Variants in NAT1 observed in about 807,000 individuals in gnomAD.
The protein encoded by NAT1 is arylamine N-acetyltransferase 1.
For missense variants in NAT1, 400 were observed against 339.2 expected, an observed-to-expected ratio of 1.18 and a Z score of -1.41; for synonymous variants, 144 against 122.6, an observed-to-expected ratio of 1.17 and a Z score of -1.16.
intron 2 of NAT1, among the ~76,000 whole-genome samples, chr8:18,204,999 C>T (rs1803646004): frequency 6.6e-6 from 1 of 152,198 alleles, no homozygotes; most frequent in Admixed American, 6.5e-5. Context: ...GGGGGACTTG[C>T]CTTGATCCCT....
At chr8:18,191,381 GT>G (rs1802984670) in intron 2 of NAT1, among the ~76,000 whole-genome samples, 1 of 152,074 alleles carries the variant, frequency 6.6e-6, no homozygotes, top group Non-Finnish European at 1.5e-5. Flanking sequence ...ATACAAGCCT[GT>G]TTCTTTTTCT....
intron 2 of NAT1, among the ~76,000 whole-genome samples, chr8:18,195,263 C>T (rs542126172): frequency 6.6e-6 from 1 of 152,268 alleles, no homozygotes; most frequent in African/African-American, 2.4e-5. Context: ...GGCATAGCTA[C>T]TTCTGGTTAG....
At chr8:18,194,228 C>G (rs1228601776) in intron 2 of NAT1, among the ~76,000 whole-genome samples, 1 of 152,158 alleles carries the variant, frequency 6.6e-6, no homozygotes, top group Non-Finnish European at 1.5e-5. Context: ...TGATTATTAA[C>G]CAGTAGTGCA....
intron 2 of NAT1, 55 bp downstream of exon 2, chr8:18,219,544 G>T: frequency 1.1e-6 from 1 of 940,808 alleles, no homozygotes; most frequent in Non-Finnish European, 1.6e-6. Context: ...CGTTCACTCT[G>T]CCTCCTTTAA....
chr8:18,220,402 C>A (rs1237422652), intron 2 of NAT1, among the ~76,000 whole-genome samples: 1 of 152,116 alleles, frequency 6.6e-6, no homozygotes, highest in African/African-American at 2.4e-5. Flanking sequence ...CGGGGCAGGT[C>A]CCTTTGTACA....
chr8:18,219,546 C>G, intron 2 of NAT1, 57 bp downstream of exon 2: 4 of 901,388 alleles, frequency 4.4e-6, no homozygotes, highest in Non-Finnish European at 7.0e-6. Context: ...TTCACTCTGC[C>G]TCCTTTAAGT....
chr8:18,218,479 A>G (rs1804927053), intron 1 of NAT1, among the ~76,000 whole-genome samples: 1 of 152,166 alleles, frequency 6.6e-6, no homozygotes, highest in African/African-American at 2.4e-5. Flanking sequence ...ACGTGAGATC[A>G]TTTTATTAGA....
At chr8:18,209,185 T>C (rs1426808789), upstream of NAT1, among the ~76,000 whole-genome samples, 2 of 152,306 alleles carry the variant, frequency 1.3e-5, no homozygotes, top group Non-Finnish European at 2.9e-5. Context: ...CCCAGACCCA[T>C]AGTTTTCAAG....
At chr8:18,206,365 G>T (rs549468575), upstream of NAT1, among the ~76,000 whole-genome samples, 2 of 152,082 alleles carry the variant, frequency 1.3e-5, no homozygotes, top group Admixed American at 6.5e-5. Context: ...CAGTCATCTC[G>T]GTCCCTTGGT....
At chr8:18,207,551 C>T (rs941744985), upstream of NAT1, among the ~76,000 whole-genome samples, 4 of 152,158 alleles carry the variant, frequency 2.6e-5, no homozygotes, top group African/African-American at 9.7e-5. Flanking sequence ...AAATGCAAGT[C>T]AAAACCACAG....
At chr8:18,176,590 G>GTTTTTTTT (rs201361487) in intron 2 of NAT1, among the ~76,000 whole-genome samples, 4 of 116,230 alleles carry the variant, frequency 3.4e-5, no homozygotes, top group African/African-American at 7.2e-5. Flanking sequence ...GTGCCATGCT[G>GTTTTTTTT]TTTTTTTGTT....
chr8:18,195,201 T>C (rs1403648729), intron 2 of NAT1, among the ~76,000 whole-genome samples: 1 of 152,152 alleles, frequency 6.6e-6, no homozygotes, highest in Non-Finnish European at 1.5e-5. Flanking sequence ...GTATGCAGAA[T>C]CTCTCTAAGA....
intron 1 of NAT1, among the ~76,000 whole-genome samples, chr8:18,213,650 A>AGTCTG (rs1481069647): frequency 6.6e-6 from 1 of 152,112 alleles, no homozygotes; most frequent in Non-Finnish European, 1.5e-5. Context: ...AGCCACCTGT[A>AGTCTG]GTCTGGTGCT....
At chr8:18,213,192 G>A (rs1022512862) in intron 1 of NAT1, among the ~76,000 whole-genome samples, 15 of 151,876 alleles carry the variant, frequency 9.9e-5, no homozygotes, top group African/African-American at 3.1e-4. Flanking sequence ...GATGACAGGC[G>A]TGAGCCATTG....
chr8:18,195,759 A>G (rs965082010), intron 2 of NAT1, among the ~76,000 whole-genome samples: 2 of 152,202 alleles, frequency 1.3e-5, no homozygotes, highest in Non-Finnish European at 2.9e-5. Flanking sequence ...TAAATGAGCT[A>G]GCATCAGCTG....
intron 1 of NAT1, among the ~76,000 whole-genome samples, chr8:18,217,725 T>G (rs1804828394): frequency 6.6e-6 from 1 of 152,134 alleles, no homozygotes; most frequent in Non-Finnish European, 1.5e-5. Context: ...GCATGTGGGT[T>G]GGGGACTACT....
At chr8:18,184,097 T>C (rs1349772614) in intron 2 of NAT1, among the ~76,000 whole-genome samples, 1 of 152,128 alleles carries the variant, frequency 6.6e-6, no homozygotes, top group African/African-American at 2.4e-5. Flanking sequence ...TGATGAAGAC[T>C]CTCTGTGGTG....
rs1284413750 is a variant in NAT1 at position 18,213,200 on chromosome 8, T to C, written c.-86+3020T>C. 7.2e-5 allele frequency among the ~76,000 whole-genome samples: 11 copies of C among 151,864 alleles called. No individual in the cohort carries two copies. The South Asian group carries it at 1.5e-3, about 20-fold the overall frequency. On this transcript the variant is annotated intron_variant, in intron 1 of 2. Transcript: ENST00000307719. Reference sequence around the variant, plus strand: ...GCGCTGGGATGACAGGCGTGAGCCATTGCACCAAGACCCGATAGGTCTAAG... The same window carrying C: ...GCGCTGGGATGACAGGCGTGAGCCACTGCACCAAGACCCGATAGGTCTAAG...
At chr8:18,181,569 T>A (rs930704349) in intron 2 of NAT1, among the ~76,000 whole-genome samples, 4 of 152,184 alleles carry the variant, frequency 2.6e-5, no homozygotes, top group African/African-American at 9.7e-5. Flanking sequence ...CTTTCTCTTG[T>A]CTGATTACTC....
Sources: gnomAD v4.1 joint callset for allele counts (sites outside exome capture counted in the v4.1 genomes callset) on GRCh38, gnomAD v4.1.1 for gene constraint, MANE v1.5 for transcripts, NCBI Gene and HGNC (gene_info 2026-07-23, HGNC 2026-07-21) for gene names.